ECSIT: variants seen among roughly 807,000 people sequenced by gnomAD.
ECSIT encodes ECSIT signaling integrator, also known as evolutionarily conserved signaling intermediate in Toll pathway, mitochondrial.
ECSIT carries 29 observed loss-of-function variants against 36.8 expected under a neutral mutation model. The ratio of observed to expected loss-of-function variants is 0.79; its 90% CI spans 0.59 to 1.08. The LOEUF (loss-of-function observed/expected upper bound fraction) is 1.08, where lower values mean the gene tolerates loss of function less well. Ranked by LOEUF, ECSIT falls within the 50% of genes least tolerant of loss-of-function variation. ECSIT has a pLI of 0.00. For synonymous variants in ECSIT, 231 were observed against 234.8 expected, an observed-to-expected ratio of 0.98 and a Z score of 0.15; for missense variants, 542 against 581.0, an observed-to-expected ratio of 0.93 and a Z score of 0.69.
At chr19:11,513,717 G>A in intron 3 of ECSIT, 87 bp downstream of exon 3, 1 of 1,466,304 alleles carries the variant, frequency 6.8e-7, no homozygotes, top group Non-Finnish European at 9.4e-7. Context: ...CGGAGCCATG[G>A]AGGAAGGAGG....
At chr19:11,518,333 A>G (rs1020668282) in intron 2 of ECSIT, among the ~76,000 whole-genome samples, 4 of 152,126 alleles carry the variant, frequency 2.6e-5, no homozygotes, top group Non-Finnish European at 5.9e-5. Flanking sequence ...AGGCTGAGGC[A>G]GGAGAATCAC....
rs375191697 is a variant in ECSIT, at chr19:11,513,805, G to A, written c.513C>T (p.His171=). 27 of 1,613,820 alleles carry A rather than the reference G, an allele frequency of 1.7e-5. No homozygotes were observed. The highest frequency in any genetic ancestry group is 4.4e-5 in the South Asian group (4 of 91,086). Reference sequence around the variant, plus strand: ...CCTGCGCCAGCCTCCTGGCCTCACCGTGGTTCTCCATCTGCTCCAGGACAG... The same window carrying A: ...CCTGCGCCAGCCTCCTGGCCTCACCATGGTTCTCCATCTGCTCCAGGACAG... ...GIAVLEQMEN[H]GVMPNKETEF... Residue 171 remains histidine (H), a splice_region_variant and synonymous_variant, in exon 3 of 8, where the codon CAC becomes CAT. Transcript: ENST00000270517.
chr19:11,523,558 C>T (rs1972151823), intron 1 of ECSIT: 2 of 1,068,054 alleles, frequency 1.9e-6, no homozygotes, highest in Non-Finnish European at 2.8e-6. Context: ...CTGCCAAAGC[C>T]TTAGACAAGC....
intron 1 of ECSIT, among the ~76,000 whole-genome samples, chr19:11,524,176 T>A (rs1180592981): frequency 6.6e-6 from 1 of 151,050 alleles, no homozygotes; most frequent in Non-Finnish European, 1.5e-5. Flanking sequence ...CACCTCGGCC[T>A]CCCAAAGTGC....
chr19:11,505,939 C>G lies in ECSIT; in HGVS notation c.*245G>C, dbSNP rs1292307344. On this transcript the variant is annotated 3_prime_UTR_variant, in exon 8 of 8. Transcript: ENST00000270517. ...AATGGAAACTGCGCATGCGCACAAC[C>G]AACAGCGCTCCCGCCCCTTTTTATT... is the stretch of plus-strand genomic sequence containing the variant. 2.2e-6 allele frequency: 2 copies of G among 895,124 alleles called. No homozygotes were observed. The highest frequency in any genetic ancestry group is 3.2e-6 in the Non-Finnish European group (2 of 618,966). The allele number at this position is 895,124 out of a possible 1,614,324, so 55.4% of individuals were successfully genotyped here. A position where few individuals can be genotyped will look rare whatever the true frequency, so the allele number is the denominator to read the frequency against.
chr19:11,513,147 G>A lies in ECSIT; in HGVS notation c.647C>T (p.Pro216Leu). 1 of 1,614,214 alleles carries A rather than the reference G, an allele frequency of 6.2e-7. No homozygotes were observed. Among genetic ancestry groups the A allele is most frequent in the Non-Finnish European group, 8.5e-7 (1 of 1,180,042 alleles). The change falls in exon 4 of 8, where the codon CCC (proline) becomes CTC (leucine). Residue 216 changes from proline (P) to leucine (L), a missense_variant. By Grantham distance (98) the Pro-to-Leu change is moderately conservative. Coordinates refer to ENST00000270517, the MANE Select transcript of ECSIT (RefSeq NM_016581.5). ...RFMNVNPFPV[P>L]RDLPQDPVEL... ...CACAGGGTCCTGGGGCAGGTCCCGG[G>A]GCACTGGGAAGGGGTTGACGTTCAT...
chr19:11,514,070 T>G lies in ECSIT; in HGVS notation c.248A>C (p.Glu83Ala), dbSNP rs1303905486. ...CTGCAGGAAGCTCGCCTTGTCCCGT[T>G]CCCCACCAGGCGCCTGCCCAAACAG... The part of the protein sequence containing the change: ...EDLFGQAPGG[E>A]RDKASFLQTV... The change falls in exon 3 of 8, where the codon GAA becomes GCA. Residue 83 changes from glutamate to alanine, a missense_variant. Physicochemically the swap from Glu to Ala is moderately radical, Grantham distance 107 (BLOSUM62 -1). Coordinates refer to ENST00000270517, the MANE Select transcript of ECSIT (RefSeq NM_016581.5). 1.2e-6 allele frequency: 2 copies of G among 1,613,988 alleles called. No individual in the cohort carries two copies. The highest frequency in any genetic ancestry group is 1.7e-6 in the Non-Finnish European group (2 of 1,179,996).
chr19:11,518,144 C>T (rs540348907), intron 2 of ECSIT, among the ~76,000 whole-genome samples: 3 of 151,736 alleles, frequency 2.0e-5, no homozygotes, highest in Admixed American at 6.6e-5. Flanking sequence ...AAAAAATTAG[C>T]GGCCGGGTGC....
In ECSIT at chr19:11,516,513, C is replaced by T. The variant is rs575956993; in HGVS notation, c.97-2292G>A. 3.3e-5 allele frequency among the ~76,000 whole-genome samples: 5 copies of T among 151,848 alleles called. No individual in the cohort carries two copies. The South Asian group carries it at 8.3e-4, about 25-fold the overall frequency. ...TGAAAAAATAAAAAAATAAGCGGGG[C>T]GTGGTGGTGTATACCTGTAGTCCCA... On this transcript the variant is annotated intron_variant, in intron 2 of 7. Coordinates refer to ENST00000270517, the MANE Select transcript of ECSIT (RefSeq NM_016581.5).
At chr19:11,526,395 T>C (rs185018153) in intron 1 of ECSIT, among the ~76,000 whole-genome samples, 137 of 152,324 alleles carry the variant, frequency 9.0e-4, no homozygotes, top group Non-Finnish European at 1.6e-3. Flanking sequence ...TAACTGCCAC[T>C]TTGGCATATA....
chr19:11,509,226 C>G (rs1306906615), intron 4 of ECSIT, among the ~76,000 whole-genome samples: 1 of 151,618 alleles, frequency 6.6e-6, no homozygotes, highest in Non-Finnish European at 1.5e-5. Context: ...GCATGCACCA[C>G]CACGTCTGGC....
chr19:11,507,998 G>C lies in ECSIT; in HGVS notation c.789C>G (p.His263Gln), dbSNP rs773770807. The change falls in exon 5 of 8, where the codon CAC becomes CAG. Residue 263 changes from histidine (H) to glutamine (Q), a missense_variant. His to Gln is a conservative substitution (Grantham distance 24). Transcript: ENST00000270517. ...STGAADPPQP[H>Q]IVGIQSPDQQ... ...CCATGCTCTCGGACTTACCTACGATGTGGGGCTGGGGGGGATCTGCTGCAC... is the reference window on the plus strand; with the variant it reads ...CCATGCTCTCGGACTTACCTACGATCTGGGGCTGGGGGGGATCTGCTGCAC... The C allele has an allele frequency of 3.1e-6, 5 of 1,614,176 alleles. No homozygotes were observed. In the South Asian group the frequency reaches 5.5e-5, roughly 18 times the overall value.
In ECSIT at chr19:11,514,146, G is replaced by C; in HGVS notation, c.172C>G (p.Pro58Ala). The change falls in exon 3 of 8, where the codon CCA becomes GCA. Residue 58 changes from proline to alanine, a missense_variant. Physicochemically the swap from Pro to Ala is conservative, Grantham distance 27. Coordinates refer to ENST00000270517, the MANE Select transcript of ECSIT (RefSeq NM_016581.5). The stretch of plus-strand genomic sequence containing the variant: ...GTGGGCCTCTGCCGGGGTTCCGGTG[G>C]GCTGGGAACCAGGGACTGTTCAGAG... ...HSSEQSLVPSPPEPRQRPTKA... is the reference protein window; with the variant it reads ...HSSEQSLVPSAPEPRQRPTKA... 6.2e-7 allele frequency: 1 copy of C among 1,613,814 alleles called. No homozygotes were observed. Among genetic ancestry groups the C allele is most frequent in the Non-Finnish European group, 8.5e-7 (1 of 1,179,814 alleles).
Position 11,513,103 on chromosome 19 carries a change from G to A in ECSIT, c.691C>T (p.Leu231=), listed in dbSNP as rs759803194. The A allele has an allele frequency of 6.2e-6, 10 of 1,614,216 alleles. No individual in the cohort carries two copies. The South Asian group carries it at 1.1e-4, about 18-fold the overall frequency. Residue 231 remains leucine, a synonymous_variant, in exon 4 of 8, where the codon CTG becomes TTG. Coordinates refer to ENST00000270517, the MANE Select transcript of ECSIT (RefSeq NM_016581.5). The part of the protein sequence containing the change: ...QDPVELAMFG[L]RHMEPDLSAR... ...CTAAGGTCAGGCTCCATGTGCCGCAGGCCAAACATGGCCAGCTCCACAGGG... is the reference window on the plus strand; with the variant it reads ...CTAAGGTCAGGCTCCATGTGCCGCAAGCCAAACATGGCCAGCTCCACAGGG...
At chr19:11,525,788 G>T (rs1276913885) in intron 1 of ECSIT, 1 of 150,692 alleles carries the variant, frequency 6.6e-6, no homozygotes, top group African/African-American at 2.4e-5. Flanking sequence ...TGTGGTGTAT[G>T]CTTGTAATTC....
chr19:11,506,524 A>G (rs950422241), intron 7 of ECSIT, 96 bp from the exon 8 acceptor site: 15 of 844,658 alleles, frequency 1.8e-5, no homozygotes, highest in African/African-American at 2.4e-5. Context: ...ACTCCCTTCC[A>G]CTTCCTTTTT....
At position 11,507,843 on chromosome 19, in the gene ECSIT, C is replaced by A. The variant is rs759946000; in HGVS notation, c.804G>T (p.Gln268His). 2 of 1,613,662 alleles carry A rather than the reference C, an allele frequency of 1.2e-6. 1 individual carries two copies. The highest frequency in any genetic ancestry group is 1.7e-6 in the Non-Finnish European group (2 of 1,179,952). ...CCAGGGCGGCCTGCTGATCGGGACTCTGGATTCCTGGTGTGGAGACATACA... is the reference window on the plus strand; with the variant it reads ...CCAGGGCGGCCTGCTGATCGGGACTATGGATTCCTGGTGTGGAGACATACA... ...DPPQPHIVGI[Q>H]SPDQQAALAR... The change falls in exon 6 of 8, where the codon CAG (glutamine) becomes CAT (histidine). Residue 268 changes from glutamine (Q) to histidine (H), a missense_variant. Gln to His is a conservative substitution (Grantham distance 24, BLOSUM62 0). Coordinates refer to ENST00000270517, the MANE Select transcript of ECSIT (RefSeq NM_016581.5).
intron 2 of ECSIT, among the ~76,000 whole-genome samples, 191 bp downstream of exon 2, chr19:11,518,884 G>C (rs1203467957): frequency 6.6e-6 from 1 of 152,178 alleles, no homozygotes; most frequent in African/African-American, 2.4e-5. Flanking sequence ...TGGTGACAGA[G>C]ACACTGTCTC....
intron 2 of ECSIT, among the ~76,000 whole-genome samples, chr19:11,517,022 A>G (rs1228838886): frequency 1.3e-5 from 2 of 152,136 alleles, no homozygotes; most frequent in African/African-American, 4.8e-5. Context: ...CTATCTCAAA[A>G]GAAAGAGACA....
Sources: gnomAD v4.1 joint callset for allele counts (sites outside exome capture counted in the v4.1 genomes callset) on GRCh38, gnomAD v4.1.1 for gene constraint, MANE v1.5 for transcripts, NCBI Gene and HGNC (gene_info 2026-07-23, HGNC 2026-07-21) for gene names.